Variants in SEC24A observed in about 807,000 individuals in gnomAD.
SEC24A encodes SEC24 homolog A, COPII component.
SEC24A carries 93 observed loss-of-function variants against 129.4 expected under a neutral mutation model. The observed-to-expected ratio is 0.72, with a 90% confidence interval of 0.61 to 0.85. The LOEUF (loss-of-function observed/expected upper bound fraction) is 0.85, where lower values mean the gene tolerates loss of function less well. Among genes scored for constraint, SEC24A ranks in the 40% least tolerant of loss-of-function variants. The pLI, the probability that SEC24A is intolerant of heterozygous loss-of-function variation, is 0.00. For missense variants in SEC24A, 1,264 were observed against 1,307.4 expected (o/e 0.97, Z 0.51); for synonymous variants, 460 against 467.3 (o/e 0.98, Z 0.20).
At chr5:134,707,035 A>G (rs1246827090) in intron 17 of SEC24A, among the ~76,000 whole-genome samples, 2 of 152,152 alleles carry the variant, frequency 1.3e-5, no homozygotes, top group South Asian at 2.1e-4. Flanking sequence ...ACAGAGTCTC[A>G]CCATGTTGCC....
chr5:134,689,534 G>A (rs1185080083), intron 11 of SEC24A, among the ~76,000 whole-genome samples: 7 of 152,094 alleles, frequency 4.6e-5, no homozygotes, highest in Non-Finnish European at 1.5e-5. Flanking sequence ...AGGCCGAGGC[G>A]GGTGGATCAC....
chr5:134,687,692 C>CA (rs1376372741), intron 10 of SEC24A, among the ~76,000 whole-genome samples: 1 of 152,180 alleles, frequency 6.6e-6, no homozygotes, highest in Non-Finnish European at 1.5e-5. Context: ...GTCACTGACT[C>CA]ACCCATGCAT....
chr5:134,685,003 A>T (rs1488226783), intron 9 of SEC24A, among the ~76,000 whole-genome samples: 1 of 152,112 alleles, frequency 6.6e-6, no homozygotes, highest in Non-Finnish European at 1.5e-5. Context: ...AGTACAGTTG[A>T]CTCTGTATCC....
chr5:134,693,253 C>T, intron 12 of SEC24A: 1 of 1,460,910 alleles, frequency 6.8e-7, no homozygotes, highest in South Asian at 1.4e-5. Flanking sequence ...TCCCCATTAA[C>T]TCTATTTGTA....
intron 21 of SEC24A, among the ~76,000 whole-genome samples, chr5:134,721,561 CAAAAAAAAAA>C (rs757908828): frequency 1.8e-5 from 1 of 55,416 alleles, no homozygotes; most frequent in African/African-American, 7.1e-5. Context: ...GACTCCATCT[CAAAAAAAAAA>C]AAAAAAAAAA....
intron 1 of SEC24A, among the ~76,000 whole-genome samples, chr5:134,653,993 T>C (rs1252211550): frequency 6.6e-6 from 1 of 151,536 alleles, no homozygotes; most frequent in African/African-American, 2.4e-5. Flanking sequence ...CCCATATCTA[T>C]AAAAAAGTAA....
intron 7 of SEC24A, among the ~76,000 whole-genome samples, chr5:134,676,649 G>A (rs1393627500): frequency 2.6e-5 from 4 of 151,918 alleles, no homozygotes; most frequent in African/African-American, 9.7e-5. Context: ...TCACCATGTT[G>A]GCCAGACTGG....
Position 134,693,876 on chromosome 5 carries a change from T to C in SEC24A, c.1929T>C (p.Thr643=). ...CTGTCTTTCAAACACAACTCCCAAC[T>C]CTTGGAGTGGGAGCCCTGAAACCAC... ...RMSVFQTQLP[T]LGVGALKPRE... is the part of the protein sequence containing the mutation. The change falls in exon 13 of 23, where the codon ACT becomes ACC. Residue 643 remains threonine, a synonymous_variant. Coordinates refer to ENST00000398844, the MANE Select transcript of SEC24A (RefSeq NM_021982.3). 6.2e-7 allele frequency: 1 copy of C among 1,614,032 alleles called. No individual in the cohort carries two copies. Among genetic ancestry groups the C allele is most frequent in the Non-Finnish European group, 8.5e-7 (1 of 1,179,988 alleles).
At chr5:134,697,089 T>C (rs756694121) in intron 13 of SEC24A, 37 bp from the exon 14 acceptor site, 5 of 1,237,554 alleles carry the variant, frequency 4.0e-6, no homozygotes, top group Non-Finnish European at 5.7e-6. Flanking sequence ...AATGTAATGA[T>C]TTTTTAAAAT....
At chr5:134,668,647 AC>A (rs1201702378) in intron 3 of SEC24A, among the ~76,000 whole-genome samples, 1 of 152,064 alleles carries the variant, frequency 6.6e-6, no homozygotes, top group Non-Finnish European at 1.5e-5. Context: ...AATTGCTTGA[AC>A]CTGGGAGGCG....
At chr5:134,684,813 A>C (rs1449249676) in intron 9 of SEC24A, among the ~76,000 whole-genome samples, 1 of 152,168 alleles carries the variant, frequency 6.6e-6, no homozygotes, top group South Asian at 2.1e-4. Context: ...AACAAAAAAA[A>C]CCAGAAGCAC....
In SEC24A at chr5:134,715,175, CTTTTTTGTGG is replaced by C; in HGVS notation, c.2865+19_2865+28del. 6.2e-7 allele frequency: 1 copy of C among 1,603,764 alleles called. No homozygotes were observed. Among genetic ancestry groups the C allele is most frequent in the East Asian group, 2.3e-5 (1 of 44,406 alleles). The stretch of plus-strand genomic sequence containing the variant: ...CTCTCAGATGAGGTAAGATGGATTG[CTTTTTTGTGG>C]TTTTACTTGAAGATTAGTAAGCCTA... On this transcript the variant is annotated intron_variant, in intron 19 of 22. Transcript: ENST00000398844.
rs1376246136 is a variant in SEC24A at position 134,668,632 on chromosome 5, A to G, written c.739+1636A>G. The stretch of plus-strand genomic sequence containing the variant: ...TCCCAGCTACTCAGGAGGCTGAGGC[A>G]GGAGAATTGCTTGAACCTGGGAGGC... On this transcript the variant is annotated intron_variant, in intron 3 of 22. Transcript: ENST00000398844. Among the ~76,000 whole-genome samples the G allele has an allele frequency of 3.3e-5, 5 of 152,202 alleles. No homozygotes were observed. The South Asian group carries it at 8.3e-4, about 25-fold the overall frequency.
chr5:134,714,086 CT>C (rs1742452459), intron 18 of SEC24A, among the ~76,000 whole-genome samples: 1 of 151,678 alleles, frequency 6.6e-6, no homozygotes, highest in Non-Finnish European at 1.5e-5. Context: ...CCATTTTTAT[CT>C]GTGTAAAGAA....
chr5:134,668,415 C>T (rs1166271273), intron 3 of SEC24A, among the ~76,000 whole-genome samples: 1 of 151,862 alleles, frequency 6.6e-6, no homozygotes, highest in Non-Finnish European at 1.5e-5. Flanking sequence ...GTGGTGAAAC[C>T]CCATCTCTAC....
At chr5:134,692,518 T>G in intron 11 of SEC24A, 84 bp from the exon 12 acceptor site, 1 of 677,764 alleles carries the variant, frequency 1.5e-6, no homozygotes, top group Non-Finnish European at 2.6e-6. Flanking sequence ...AGGAAGGGGG[T>G]GGTTAATTGC....
chr5:134,717,987 T>G, intron 19 of SEC24A, 82 bp from the exon 20 acceptor site: 1 of 941,040 alleles, frequency 1.1e-6, no homozygotes, highest in Non-Finnish European at 1.7e-6. Flanking sequence ...GAGGTAACAT[T>G]CATTTAATTT....
intron 1 of SEC24A, among the ~76,000 whole-genome samples, chr5:134,653,335 G>C (rs183435514): frequency 1.3e-5 from 2 of 151,988 alleles, no homozygotes; most frequent in Non-Finnish European, 2.9e-5. Context: ...CTGCAGCCTC[G>C]AACCTCCTGG....
intron 1 of SEC24A, among the ~76,000 whole-genome samples, chr5:134,658,461 C>T (rs572929979): frequency 7.9e-5 from 12 of 152,264 alleles, no homozygotes; most frequent in Admixed American, 7.2e-4. Context: ...GGGTGGAATG[C>T]CTAATTATAG....
Sources: allele counts gnomAD v4.1 joint callset (sites outside exome capture counted in the v4.1 genomes callset), GRCh38; gene constraint gnomAD v4.1.1; transcripts MANE v1.5; gene names NCBI Gene and HGNC (gene_info 2026-07-23, HGNC 2026-07-21).